The following IQCH variants were observed in gnomAD, a reference collection of about 807,000 sequenced individuals.
IQCH encodes the protein IQ motif containing H.
IQCH carries 98 observed loss-of-function variants against 117.0 expected under a neutral mutation model. That is an observed-to-expected ratio of 0.84 (90% CI 0.71 to 0.99). The LOEUF is 0.99. IQCH is among the 50% of genes least tolerant of loss of function. The pLI, the probability that IQCH is intolerant of heterozygous loss-of-function variation, is 0.00. For missense variants in IQCH, 1,102 were observed against 1,243.8 expected (o/e 0.89, Z 1.72); for synonymous variants, 412 against 448.2 (o/e 0.92, Z 1.02).
chr15:67,353,000 G>A (rs1471703387), intron 6 of IQCH, among the ~76,000 whole-genome samples: 1 of 152,020 alleles, frequency 6.6e-6, no homozygotes, highest in African/African-American at 2.4e-5. Context: ...ACAAAAATTA[G>A]CCAGGCGTGG....
chr15:67,302,893 A>G (rs1242206429), intron 4 of IQCH, among the ~76,000 whole-genome samples: 2 of 152,160 alleles, frequency 1.3e-5, no homozygotes, highest in Admixed American at 6.6e-5. Flanking sequence ...AAACCATGCT[A>G]TTAAAAAGTA....
rs28535349 is a variant in IQCH at position 67,391,367 on chromosome 15, T to C, written c.1632+2361T>C. 6.6e-6 allele frequency among the ~76,000 whole-genome samples: 1 copy of C among 152,240 alleles called. No individual in the cohort carries two copies. Among genetic ancestry groups the C allele is most frequent in the Non-Finnish European group, 1.5e-5 (1 of 68,040 alleles). ...TGGTAGTTGCTTTATTTGTTGTTAATGGGTTTGAGAGATTGTATCAGTGCT... is the reference window on the plus strand; with the variant it reads ...TGGTAGTTGCTTTATTTGTTGTTAACGGGTTTGAGAGATTGTATCAGTGCT... On this transcript the variant is annotated intron_variant, in intron 12 of 20. Transcript: ENST00000335894. The surrounding 1 kb of genome is among the most constrained non-coding windows in gnomAD (Gnocchi z 4.3).
intron 17 of IQCH, among the ~76,000 whole-genome samples, chr15:67,471,469 T>C (rs2083070003): frequency 6.6e-6 from 1 of 152,180 alleles, no homozygotes; most frequent in South Asian, 2.1e-4. Flanking sequence ...GAAATCGATG[T>C]TAAGGATTAT....
chr15:67,370,396 G>T lies in IQCH; in HGVS notation c.754-1715G>T, dbSNP rs139337705. Among the ~76,000 whole-genome samples, 10 of 152,312 alleles carry T rather than the reference G, an allele frequency of 6.6e-5. No homozygotes were observed. In the East Asian group the frequency reaches 1.9e-3, roughly 29 times the overall value. On this transcript the variant is annotated intron_variant, in intron 8 of 20. Coordinates refer to ENST00000335894, the MANE Select transcript of IQCH (RefSeq NM_001031715.3). This position sits in a 1 kb window ranked among gnomAD's most constrained non-coding sequence, Gnocchi z 5.6. ...ATGTCCATCTGTGATTATTTTGCAT[G>T]TCTGTTTCTCACTGATGAAGCACTG...
At chr15:67,420,864 A>T (rs890575471) in intron 15 of IQCH, among the ~76,000 whole-genome samples, 3 of 152,212 alleles carry the variant, frequency 2.0e-5, no homozygotes, top group Non-Finnish European at 4.4e-5. Context: ...TCAAACCTTC[A>T]AAAAGCAGTG....
rs1386491562 is a variant in IQCH at position 67,491,462 on chromosome 15, C to T, written c.2861+1398C>T. Among the ~76,000 whole-genome samples, 1 of 152,186 alleles carries T rather than the reference C, an allele frequency of 6.6e-6. No homozygotes were observed. The highest frequency in any genetic ancestry group is 1.5e-5 in the Non-Finnish European group (1 of 68,032). The stretch of plus-strand genomic sequence containing the variant: ...TACAATTTAATCTGGCACTTACAGT[C>T]TCAGATGCTTCCCATCACCTGGGAA... On this transcript the variant is annotated intron_variant, in intron 19 of 20. Coordinates refer to ENST00000335894, the MANE Select transcript of IQCH (RefSeq NM_001031715.3). This position sits in a 1 kb window ranked among gnomAD's most constrained non-coding sequence, Gnocchi z 4.9.
chr15:67,300,916 G>A (rs1383627567), intron 4 of IQCH, among the ~76,000 whole-genome samples: 1 of 152,198 alleles, frequency 6.6e-6, no homozygotes, highest in Non-Finnish European at 1.5e-5. Flanking sequence ...CTGATGAGAT[G>A]AAAATTGAGC....
At chr15:67,380,398 G>A (rs1970886648) in intron 10 of IQCH, among the ~76,000 whole-genome samples, 1 of 152,112 alleles carries the variant, frequency 6.6e-6, no homozygotes, top group Admixed American at 6.5e-5. Flanking sequence ...CCAACTATTA[G>A]TTTTATTTTA....
intron 4 of IQCH, chr15:67,304,506 T>A: frequency 1.1e-6 from 1 of 908,902 alleles, no homozygotes; most frequent in Non-Finnish European, 1.7e-6. Context: ...GAAATAAAAG[T>A]CATTTATTAG....
In IQCH at chr15:67,474,237, A is replaced by G. The variant is rs920277134; in HGVS notation, c.2677-1459A>G. 3.3e-5 allele frequency among the ~76,000 whole-genome samples: 5 copies of G among 152,120 alleles called. No individual in the cohort carries two copies. The highest frequency in any genetic ancestry group is 3.3e-4 in the Admixed American group (5 of 15,266). Reference sequence around the variant, plus strand: ...GCCTGATTATAATGCATGTCAGGTCACTACGATTCCTTACGGCCAGCTCCA... The same window carrying G: ...GCCTGATTATAATGCATGTCAGGTCGCTACGATTCCTTACGGCCAGCTCCA... On this transcript the variant is annotated intron_variant, in intron 17 of 20. Coordinates refer to ENST00000335894, the MANE Select transcript of IQCH (RefSeq NM_001031715.3). The surrounding 1 kb of genome is among the most constrained non-coding windows in gnomAD (Gnocchi z 4.1).
chr15:67,421,861 G>A (rs539123526), intron 16 of IQCH, among the ~76,000 whole-genome samples: 1 of 152,304 alleles, frequency 6.6e-6, no homozygotes, highest in Admixed American at 6.5e-5. Context: ...CACTTTGGGA[G>A]GCCGAGGTGG....
chr15:67,377,488 A>G (rs757124558), intron 10 of IQCH, among the ~76,000 whole-genome samples: 10 of 152,210 alleles, frequency 6.6e-5, no homozygotes, highest in African/African-American at 9.6e-5. Flanking sequence ...ATTCCTCTAG[A>G]AAAACCAGAT....
intron 16 of IQCH, among the ~76,000 whole-genome samples, chr15:67,440,905 G>A (rs752913899): frequency 2.6e-5 from 4 of 151,934 alleles, no homozygotes; most frequent in African/African-American, 7.3e-5. Flanking sequence ...CATCCAAATC[G>A]GTAAAGAGGA....
intron 15 of IQCH, among the ~76,000 whole-genome samples, chr15:67,418,709 C>T (rs939053127): frequency 4.6e-4 from 70 of 151,594 alleles, no homozygotes; most frequent in African/African-American, 1.6e-3. Context: ...CTCCTGATAG[C>T]TGGGATTACA....
At chr15:67,444,980 C>T (rs2082360174) in intron 16 of IQCH, among the ~76,000 whole-genome samples, 1 of 152,150 alleles carries the variant, frequency 6.6e-6, no homozygotes, top group South Asian at 2.1e-4. Context: ...TCTAGTTCCA[C>T]TATAGTAATA....
At chr15:67,371,700 G>A (rs148960696) in intron 8 of IQCH, among the ~76,000 whole-genome samples, 6 of 152,252 alleles carry the variant, frequency 3.9e-5, no homozygotes, top group African/African-American at 7.2e-5. Context: ...GAAAGGCTTC[G>A]CCCTGTTTTT....
chr15:67,427,761 C>T lies in IQCH; in HGVS notation c.2505+6184C>T, dbSNP rs899746910. On this transcript the variant is annotated intron_variant, in intron 16 of 20. Transcript: ENST00000335894. The surrounding 1 kb of genome is among the most constrained non-coding windows in gnomAD (Gnocchi z 4.7). ...GGAAATAATCACAAAGATTTAAATA[C>T]ACATATATTAATCACATCATTATTA... is the stretch of plus-strand genomic sequence containing the variant. Among the ~76,000 whole-genome samples, 14 of 151,658 alleles carry T rather than the reference C, an allele frequency of 9.2e-5. No homozygotes were observed. The highest frequency in any genetic ancestry group is 1.9e-4 in the Non-Finnish European group (13 of 67,962).
chr15:67,289,030 G>C (rs1966665588), intron 4 of IQCH, among the ~76,000 whole-genome samples: 1 of 152,072 alleles, frequency 6.6e-6, no homozygotes, highest in Non-Finnish European at 1.5e-5. Context: ...CAAGAGCATG[G>C]CTTATCTGGG....
Position 67,256,552 on chromosome 15 carries a change from C to G in IQCH, c.51+1605C>G, listed in dbSNP as rs142568331. Among the ~76,000 whole-genome samples the G allele has an allele frequency of 2.6e-5, 4 of 152,300 alleles. No homozygotes were observed. The East Asian group carries it at 7.7e-4, about 29-fold the overall frequency. The stretch of plus-strand genomic sequence containing the variant: ...AGACACTTCTATCAGGCAGGACATC[C>G]CAGGCGCCTAGAGATCACCTCCCAG... On this transcript the variant is annotated intron_variant, in intron 1 of 20. Transcript: ENST00000335894.
Sources: gnomAD v4.1 joint callset for allele counts (sites outside exome capture counted in the v4.1 genomes callset) on GRCh38, gnomAD v4.1.1 for gene constraint, Gnocchi (gnomAD v3.1) non-coding constraint, MANE v1.5 for transcripts, NCBI Gene and HGNC (gene_info 2026-07-23, HGNC 2026-07-21) for gene names.